AKR1A1: variants seen among roughly 807,000 people sequenced by gnomAD.
The protein encoded by AKR1A1 is aldo-keto reductase family 1 member A1.
In AKR1A1, 26 loss-of-function variants were observed where a neutral mutation model predicts 39.2. The observed-to-expected ratio is 0.66, with a 90% CI of 0.49 to 0.92. The LOEUF is 0.92. AKR1A1 is among the 40% of genes least tolerant of loss of function. The probability of loss-of-function intolerance (pLI) is 0.00; values close to 1 mark genes in which losing one functional copy is unlikely to be tolerated. For synonymous variants in AKR1A1, 141 were observed against 155.5 expected, an observed-to-expected ratio of 0.91 and a Z score of 0.69; for missense variants, 378 against 406.5, an observed-to-expected ratio of 0.93 and a Z score of 0.60.
At chr1:45,552,599 G>A (rs938440187) in intron 1 of AKR1A1, 21 of 152,306 alleles carry the variant, frequency 1.4e-4, no homozygotes, top group African/African-American at 5.1e-4. Flanking sequence ...CACACCTAGA[G>A]TCAGGTAAGT....
At chr1:45,553,524 C>G (rs1040703989) in intron 1 of AKR1A1, among the ~76,000 whole-genome samples, 2 of 152,096 alleles carry the variant, frequency 1.3e-5, no homozygotes, top group Non-Finnish European at 2.9e-5. Flanking sequence ...AAATTCTTTT[C>G]ACATACATCA....
chr1:45,550,922 T>A lies in AKR1A1; in HGVS notation c.-240T>A, dbSNP rs1489894184. 6.6e-6 allele frequency: 1 copy of A among 152,268 alleles called. No individual in the cohort carries two copies. Among genetic ancestry groups the A allele is most frequent in the Non-Finnish European group, 1.5e-5 (1 of 68,118 alleles). The allele number at this position is 152,268 out of a possible 1,614,324, so 9.4% of individuals were successfully genotyped here. A position where few individuals can be genotyped will look rare whatever the true frequency, so the allele number is the denominator to read the frequency against. The stretch of plus-strand genomic sequence containing the variant: ...CAGTTCGACCTCGAGGATCCAGAGG[T>A]GGAGACGGTACTACCTCCCAGCTCT... On this transcript the variant is annotated 5_prime_UTR_variant, in exon 1 of 9. Transcript: ENST00000351829.
chr1:45,553,400 G>A (rs1234811598), intron 1 of AKR1A1, among the ~76,000 whole-genome samples: 1 of 144,962 alleles, frequency 6.9e-6, no homozygotes, highest in African/African-American at 2.6e-5. Context: ...CCAGCCTGGC[G>A]ACAGAGCGAG....
intron 2 of AKR1A1, among the ~76,000 whole-genome samples, chr1:45,562,701 G>A (rs773075515): frequency 6.6e-6 from 1 of 152,156 alleles, no homozygotes; most frequent in Admixed American, 6.5e-5. Flanking sequence ...GTAGAGACAG[G>A]GTTTTACCAT....
intron 2 of AKR1A1, among the ~76,000 whole-genome samples, chr1:45,564,079 C>A (rs140797227): frequency 1.8e-4 from 28 of 152,328 alleles, no homozygotes; most frequent in African/African-American, 6.3e-4. Context: ...GCAGAGAGAA[C>A]AGATTCTTCT....
intron 1 of AKR1A1, among the ~76,000 whole-genome samples, chr1:45,560,943 G>T (rs1303259173): frequency 6.6e-6 from 1 of 152,090 alleles, no homozygotes; most frequent in African/African-American, 2.4e-5. Flanking sequence ...TAGCCAGGAT[G>T]GTCTCGATCT....
chr1:45,558,095 G>C (rs2148293525), intron 1 of AKR1A1, among the ~76,000 whole-genome samples: 1 of 151,854 alleles, frequency 6.6e-6, no homozygotes, highest in East Asian at 1.9e-4. Context: ...TTTTAGTAGA[G>C]AGGGGGTTTC....
chr1:45,567,165 C>T, intron 4 of AKR1A1, 145 bp downstream of exon 4: 2 of 1,118,088 alleles, frequency 1.8e-6, no homozygotes, highest in South Asian at 3.2e-5. Context: ...ATCTTAGCCT[C>T]TTCTGCTACA....
intron 2 of AKR1A1, among the ~76,000 whole-genome samples, chr1:45,562,245 C>T (rs961917689): frequency 6.6e-6 from 1 of 151,934 alleles, no homozygotes; most frequent in African/African-American, 2.4e-5. Flanking sequence ...CCCTACTGCT[C>T]AGTCCAGAAT....
At chr1:45,553,584 G>C (rs1476613983) in intron 1 of AKR1A1, among the ~76,000 whole-genome samples, 2 of 152,174 alleles carry the variant, frequency 1.3e-5, no homozygotes, top group African/African-American at 4.8e-5. Context: ...TTACATATTA[G>C]AGCATTCTCT....
chr1:45,564,723 A>G (rs1644317277), intron 2 of AKR1A1, among the ~76,000 whole-genome samples: 2 of 151,662 alleles, frequency 1.3e-5, no homozygotes, highest in African/African-American at 2.4e-5. Flanking sequence ...ACTTGTTTCC[A>G]TGGTCTATAC....
In AKR1A1 at chr1:45,568,585, G is replaced by T. The variant is rs572719037; in HGVS notation, c.653G>T (p.Arg218Leu). The T allele has an allele frequency of 9.3e-6, 15 of 1,613,896 alleles. No individual in the cohort carries two copies. Among genetic ancestry groups the T allele is most frequent in the Non-Finnish European group, 1.3e-5 (15 of 1,179,998 alleles). The change falls in exon 6 of 9, where the codon CGT (arginine) becomes CTT (leucine). Residue 218 changes from arginine to leucine, a missense_variant. Physicochemically the swap from Arg to Leu is moderately radical, Grantham distance 102. Transcript: ENST00000351829. ...TATAGCCCTTTGGGCTCCTCTGATC[G>T]TGCATGGCGTGATCCTGATGAGCCT... is the stretch of plus-strand genomic sequence containing the variant. ...TAYSPLGSSD[R>L]AWRDPDEPVL...
chr1:45,568,302 G>T, intron 5 of AKR1A1, 125 bp downstream of exon 5: 1 of 1,291,042 alleles, frequency 7.7e-7, no homozygotes. Flanking sequence ...GAAGTCCTCT[G>T]CATAAAGGTG....
intron 1 of AKR1A1, among the ~76,000 whole-genome samples, chr1:45,560,574 T>C (rs951497467): frequency 6.6e-6 from 1 of 152,168 alleles, no homozygotes; most frequent in Non-Finnish European, 1.5e-5. Context: ...CACACCACTG[T>C]TCTCCAACCT....
At position 45,566,983 on chromosome 1, in the gene AKR1A1, C is replaced by G; in HGVS notation, c.319C>G (p.Leu107Val). The G allele has an allele frequency of 5.0e-6, 8 of 1,614,270 alleles. No individual in the cohort carries two copies. The highest frequency in any genetic ancestry group is 6.8e-6 in the Non-Finnish European group (8 of 1,180,044). ...KTLADLQLEY[L>V]DLYLMHWPYA... ...TCTGGCTGACCTCCAGCTGGAGTAT[C>G]TGGACCTGTACCTGATGCACTGGCC... The change falls in exon 4 of 9, where the codon CTG becomes GTG. Residue 107 changes from leucine (L) to valine (V), a missense_variant. Transcript: ENST00000351829.
At chr1:45,564,926 C>T (rs946382686) in intron 2 of AKR1A1, among the ~76,000 whole-genome samples, 2 of 151,254 alleles carry the variant, frequency 1.3e-5, no homozygotes, top group Non-Finnish European at 2.9e-5. Flanking sequence ...AGGTTCACAC[C>T]ATTCTCCTGC....
At position 45,569,127 on chromosome 1, in the gene AKR1A1, C is replaced by T; in HGVS notation, c.826-16C>T. 6.2e-7 allele frequency: 1 copy of T among 1,613,060 alleles called. No homozygotes were observed. Among genetic ancestry groups the T allele is most frequent in the Non-Finnish European group, 8.5e-7 (1 of 1,179,024 alleles). On this transcript the variant is annotated splice_polypyrimidine_tract_variant and intron_variant, in intron 7 of 8. Transcript: ENST00000351829. ...TCACAAAGCTGGCTTTCTTGAACCC[C>T]ACTCTCCATCCTCAGGTGTTTGACT...
chr1:45,562,536 G>C (rs1007287733), intron 2 of AKR1A1, among the ~76,000 whole-genome samples: 1 of 148,380 alleles, frequency 6.7e-6, no homozygotes, highest in African/African-American at 2.5e-5. Flanking sequence ...TTGAAACCGA[G>C]TCTCACTCTG....
chr1:45,553,411 ACT>A (rs1400564399), intron 1 of AKR1A1, among the ~76,000 whole-genome samples: 20 of 127,170 alleles, frequency 1.6e-4, no homozygotes, highest in African/African-American at 9.1e-5. Flanking sequence ...ACAGAGCGAG[ACT>A]CTGTCTCAAA....
Sources: allele counts gnomAD v4.1 joint callset (sites outside exome capture counted in the v4.1 genomes callset), GRCh38; gene constraint gnomAD v4.1.1; transcripts MANE v1.5; gene names NCBI Gene and HGNC (gene_info 2026-07-23, HGNC 2026-07-21).